ADCY10: variants seen among roughly 807,000 people sequenced by gnomAD.
The protein encoded by ADCY10 is adenylate cyclase 10.
ADCY10 carries 156 observed loss-of-function variants against 183.3 expected under a neutral mutation model. The ratio of observed to expected loss-of-function variants is 0.85; its 90% CI spans 0.75 to 0.97. The LOEUF (loss-of-function observed/expected upper bound fraction) is 0.97. Among genes scored for constraint, ADCY10 ranks in the 50% least tolerant of loss-of-function variants. ADCY10 has a pLI of 0.00. For missense variants in ADCY10, 1,745 were observed against 1,934.3 expected (o/e 0.90, Z 1.84); for synonymous variants, 645 against 670.0 (o/e 0.96, Z 0.58).
chr1:167,861,140 G>A, intron 14 of ADCY10, 77 bp from the exon 15 acceptor site: 2 of 1,228,042 alleles, frequency 1.6e-6, no homozygotes, highest in South Asian at 1.3e-5. Context: ...TTGAAGGAAA[G>A]CTCTGTCTTC....
chr1:167,881,320 A>T (rs1297976370), intron 9 of ADCY10, among the ~76,000 whole-genome samples: 1 of 152,240 alleles, frequency 6.6e-6, no homozygotes, highest in Non-Finnish European at 1.5e-5. Context: ...AGAAAAGGGC[A>T]TTGTGAATAA....
intron 21 of ADCY10, among the ~76,000 whole-genome samples, chr1:167,842,089 T>C (rs1212064136): frequency 6.6e-6 from 1 of 152,180 alleles, no homozygotes; most frequent in African/African-American, 2.4e-5. Context: ...CAAAAGAGAA[T>C]TGAAAGGGAC....
chr1:167,872,906 C>A (rs2102175480), intron 13 of ADCY10, among the ~76,000 whole-genome samples: 1 of 151,546 alleles, frequency 6.6e-6, no homozygotes, highest in Non-Finnish European at 1.5e-5. Flanking sequence ...CCCGTCTCTA[C>A]TAAAAATACA....
At chr1:167,909,754 T>G (rs1571481175) in intron 1 of ADCY10, among the ~76,000 whole-genome samples, 1 of 152,200 alleles carries the variant, frequency 6.6e-6, no homozygotes. Context: ...ACAGTTCAGT[T>G]GCTACATATC....
Position 167,854,354 on chromosome 1 carries a change from G to T in ADCY10, c.2307C>A (p.Phe769Leu). 6.2e-7 allele frequency: 1 copy of T among 1,614,100 alleles called. No homozygotes were observed. Among genetic ancestry groups the T allele is most frequent in the South Asian group, 1.1e-5 (1 of 91,070 alleles). ...EKTNRTWNNLFKYSIKLTEKL... is the reference protein window; with the variant it reads ...EKTNRTWNNLLKYSIKLTEKL... ...AAGAACCATCACCGCAGGACTTACT[G>T]AACAGGTTATTCCAGGTCCTATTTG... Residue 769 changes from phenylalanine (F) to leucine (L), a missense_variant and splice_region_variant, in exon 18 of 33, where the codon TTC becomes TTA. Physicochemically the swap from Phe to Leu is conservative, Grantham distance 22. Transcript: ENST00000367851.
intron 14 of ADCY10, among the ~76,000 whole-genome samples, chr1:167,866,158 G>C (rs537658573): frequency 5.9e-5 from 9 of 152,270 alleles, no homozygotes; most frequent in South Asian, 2.1e-4. Flanking sequence ...GCACTCTGCC[G>C]AATAACTGGA....
At chr1:167,864,456 C>T (rs928758942) in intron 14 of ADCY10, among the ~76,000 whole-genome samples, 4 of 152,110 alleles carry the variant, frequency 2.6e-5, no homozygotes, top group African/African-American at 9.7e-5. Flanking sequence ...CACAAGGTAA[C>T]CTGTAAGCCA....
intron 31 of ADCY10, among the ~76,000 whole-genome samples, chr1:167,817,099 T>A (rs1488105683): frequency 1.3e-5 from 2 of 152,020 alleles, no homozygotes; most frequent in Non-Finnish European, 2.9e-5. Context: ...CATGGTGGCT[T>A]ACACCTGTAA....
chr1:167,888,766 C>T (rs1668398385), intron 8 of ADCY10, among the ~76,000 whole-genome samples: 1 of 147,540 alleles, frequency 6.8e-6, no homozygotes, highest in African/African-American at 2.5e-5. Context: ...GTCCCAGCTA[C>T]TCAGGAGGCT....
At chr1:167,816,876 T>C (rs1430208517) in intron 31 of ADCY10, among the ~76,000 whole-genome samples, 1 of 152,192 alleles carries the variant, frequency 6.6e-6, no homozygotes, top group Non-Finnish European at 1.5e-5. Flanking sequence ...AAAGAAAGCA[T>C]TGAAGAAGGA....
chr1:167,880,475 C>T lies in ADCY10; in HGVS notation c.1139+16G>A. 1 of 1,582,212 alleles carries T rather than the reference C, an allele frequency of 6.3e-7. No homozygotes were observed. The highest frequency in any genetic ancestry group is 2.2e-5 in the East Asian group (1 of 44,744). On this transcript the variant is annotated intron_variant, in intron 10 of 32. Coordinates refer to ENST00000367851, the MANE Select transcript of ADCY10 (RefSeq NM_018417.6). Reference sequence around the variant, plus strand: ...AGGGTCAGGGACCGCTGGGTGGGACCAGGGTCAATACTCACTGGATTTTGT... The same window carrying T: ...AGGGTCAGGGACCGCTGGGTGGGACTAGGGTCAATACTCACTGGATTTTGT...
At chr1:167,854,546 A>G (rs1339291206) in intron 17 of ADCY10, 57 bp from the exon 18 acceptor site, 3 of 1,584,306 alleles carry the variant, frequency 1.9e-6, no homozygotes, top group Non-Finnish European at 2.6e-6. Context: ...TAGGAAGGAA[A>G]AATATGTAAG....
chr1:167,871,573 A>G (rs1054496822), intron 13 of ADCY10, among the ~76,000 whole-genome samples: 4 of 152,230 alleles, frequency 2.6e-5, no homozygotes, highest in African/African-American at 9.6e-5. Flanking sequence ...TTCTGTCAAA[A>G]AAGTTGGAGA....
chr1:167,819,591 T>C (rs1161447488), intron 30 of ADCY10, among the ~76,000 whole-genome samples: 1 of 151,968 alleles, frequency 6.6e-6, no homozygotes, highest in African/African-American at 2.4e-5. Context: ...GACCCAAGTT[T>C]TGCTCTTGTT....
At chr1:167,852,429 G>C (rs1247812861) in intron 18 of ADCY10, among the ~76,000 whole-genome samples, 1 of 151,912 alleles carries the variant, frequency 6.6e-6, no homozygotes. Flanking sequence ...GGGCGACAGA[G>C]TGAGACTCTG....
intron 13 of ADCY10, among the ~76,000 whole-genome samples, chr1:167,873,827 A>T (rs887980673): frequency 1.3e-5 from 2 of 152,232 alleles, no homozygotes. Context: ...CACTAACTAT[A>T]AAAGACAGGT....
At position 167,894,023 on chromosome 1, in the gene ADCY10, A is replaced by C. The variant is rs531273336; in HGVS notation, c.740-82T>G. The C allele has an allele frequency of 5.4e-5, 51 of 952,874 alleles. No individual in the cohort carries two copies. In the African/African-American group the frequency reaches 7.1e-4, roughly 13 times the overall value. The allele number at this position is 952,874 out of a possible 1,614,324, so 59.0% of individuals were successfully genotyped here. ...TAGTGAGAGGAGGCTCCCAGTCCCT[A>C]TTCTCTTGGGCAGTGGGCCTTCTTG... On this transcript the variant is annotated intron_variant, in intron 7 of 32. Coordinates refer to ENST00000367851, the MANE Select transcript of ADCY10 (RefSeq NM_018417.6).
chr1:167,833,688 A>G (rs2101905502), intron 24 of ADCY10, among the ~76,000 whole-genome samples: 1 of 151,230 alleles, frequency 6.6e-6, no homozygotes, highest in South Asian at 2.1e-4. Flanking sequence ...GAATTTGCAG[A>G]GAGCCGATAT....
In ADCY10 at chr1:167,905,213, G is replaced by A. The variant is rs1420021985; in HGVS notation, c.-58-15C>T. 1 of 1,500,668 alleles carries A rather than the reference G, an allele frequency of 6.7e-7. No homozygotes were observed. Among genetic ancestry groups the A allele is most frequent in the African/African-American group, 1.4e-5 (1 of 72,734 alleles). 93.0% of individuals were successfully genotyped at this position (1,500,668 alleles called of 1,614,324 possible). A position where few individuals can be genotyped will look rare whatever the true frequency, so the allele number is the denominator to read the frequency against. Reference sequence around the variant, plus strand: ...AAATAGGTCTTCTAAAAAGAAAATTGAAATAGAGGAAATCTGATATATTCA... The same window carrying A: ...AAATAGGTCTTCTAAAAAGAAAATTAAAATAGAGGAAATCTGATATATTCA... On this transcript the variant is annotated splice_polypyrimidine_tract_variant and intron_variant, in intron 1 of 32. Coordinates refer to ENST00000367851, the MANE Select transcript of ADCY10 (RefSeq NM_018417.6).
Sources: allele counts gnomAD v4.1 joint callset (sites outside exome capture counted in the v4.1 genomes callset), GRCh38; gene constraint gnomAD v4.1.1; transcripts MANE v1.5; gene names NCBI Gene and HGNC (gene_info 2026-07-23, HGNC 2026-07-21).